DLGAP2: variants seen among roughly 807,000 people sequenced by gnomAD.
DLGAP2 encodes disks large-associated protein 2.
A neutral mutation model predicts 100.3 loss-of-function variants in DLGAP2; 26 were observed. That is an observed-to-expected ratio of 0.26 (90% CI 0.19 to 0.36). DLGAP2 has a LOEUF of 0.36. Among genes scored for constraint, DLGAP2 ranks in the 10% least tolerant of loss-of-function variants. The pLI is 1.00. For missense variants in DLGAP2, 1,858 were observed against 1,453.2 expected, an observed-to-expected ratio of 1.28 and a Z score of -4.53; for synonymous variants, 886 against 630.1, an observed-to-expected ratio of 1.41 and a Z score of -6.08.
intron 8 of DLGAP2, among the ~76,000 whole-genome samples, chr8:1,664,870 A>G (rs1187936379): frequency 2.6e-5 from 4 of 152,238 alleles, no homozygotes; most frequent in African/African-American, 7.2e-5. Flanking sequence ...GCATGTGCAC[A>G]CACACTTAGA....
At chr8:1,333,328 C>T (rs924162085) in intron 3 of DLGAP2, among the ~76,000 whole-genome samples, 2 of 152,122 alleles carry the variant, frequency 1.3e-5, no homozygotes, top group Non-Finnish European at 2.9e-5. Context: ...GGGGTGTGGG[C>T]GTCTCCCTGT....
intron 2 of DLGAP2, among the ~76,000 whole-genome samples, chr8:955,743 A>T (rs1387378123): frequency 6.6e-6 from 1 of 152,302 alleles, no homozygotes; most frequent in East Asian, 1.9e-4. Context: ...TTTAAATAGG[A>T]TTGCATTGTT....
chr8:1,426,648 T>G (rs1223513053), intron 3 of DLGAP2, among the ~76,000 whole-genome samples: 2 of 152,196 alleles, frequency 1.3e-5, no homozygotes, highest in African/African-American at 4.8e-5. Context: ...GAGAAACTCT[T>G]ATTAACCTCA....
intron 3 of DLGAP2, among the ~76,000 whole-genome samples, chr8:1,489,877 T>A (rs1391339021): frequency 6.6e-6 from 1 of 152,146 alleles, no homozygotes; most frequent in Non-Finnish European, 1.5e-5. Flanking sequence ...TAATTGGGCA[T>A]TCCAAGATTA....
At chr8:1,653,636 C>A (rs1798217472) in intron 8 of DLGAP2, among the ~76,000 whole-genome samples, 1 of 152,104 alleles carries the variant, frequency 6.6e-6, no homozygotes, top group Non-Finnish European at 1.5e-5. Flanking sequence ...GATGTTTGGG[C>A]TGTAAATTGC....
At chr8:1,331,854 C>T (rs1034678161) in intron 3 of DLGAP2, among the ~76,000 whole-genome samples, 2 of 152,114 alleles carry the variant, frequency 1.3e-5, no homozygotes, top group Non-Finnish European at 1.5e-5. Flanking sequence ...GGCTGTGGAT[C>T]CCTCCTCTCA....
chr8:1,441,371 G>C (rs971914058), intron 3 of DLGAP2, among the ~76,000 whole-genome samples: 1 of 152,048 alleles, frequency 6.6e-6, no homozygotes, highest in East Asian at 1.9e-4. Flanking sequence ...CTGTTTCTGA[G>C]AGCGATCAAC....
intron 2 of DLGAP2, among the ~76,000 whole-genome samples, chr8:1,123,328 A>T (rs927913871): frequency 1.1e-4 from 17 of 152,170 alleles, no homozygotes; most frequent in African/African-American, 4.1e-4. Context: ...CTCAGTTCCC[A>T]TGAGGCGGGT....
chr8:1,596,729 T>A (rs1276665615), intron 6 of DLGAP2, among the ~76,000 whole-genome samples: 1 of 152,382 alleles, frequency 6.6e-6, no homozygotes, highest in East Asian at 1.9e-4. Flanking sequence ...TGTTAGGTTT[T>A]TTTTTCTTGT....
At chr8:777,221 T>G (rs1369966476) in intron 1 of DLGAP2, among the ~76,000 whole-genome samples, 22 of 151,482 alleles carry the variant, frequency 1.5e-4, no homozygotes, top group African/African-American at 5.3e-4. Flanking sequence ...TCCTCCATCC[T>G]TTTATTTTGA....
intron 2 of DLGAP2, among the ~76,000 whole-genome samples, chr8:1,108,197 C>G (rs2129045186): frequency 6.6e-6 from 1 of 152,292 alleles, no homozygotes; most frequent in Middle Eastern, 3.4e-3. Flanking sequence ...TTGGCTGTCA[C>G]TGTCCTTCCT....
chr8:1,243,800 A>C (rs1798848561), intron 2 of DLGAP2, among the ~76,000 whole-genome samples: 1 of 152,086 alleles, frequency 6.6e-6, no homozygotes, highest in Non-Finnish European at 1.5e-5. Flanking sequence ...GCCACCATTG[A>C]AACCTTCCTC....
chr8:978,388 C>G (rs111963995), intron 2 of DLGAP2, among the ~76,000 whole-genome samples: 1 of 5,026 alleles, frequency 2.0e-4, no homozygotes, highest in African/African-American at 1.2e-3. Flanking sequence ...TGAGGTGCTG[C>G]GTTCCGGTCT....
intron 3 of DLGAP2, among the ~76,000 whole-genome samples, chr8:1,296,731 T>G (rs781083992): frequency 1.3e-5 from 2 of 152,206 alleles, no homozygotes; most frequent in South Asian, 2.1e-4. Flanking sequence ...AAAGGCTCTT[T>G]GGGTTCGCTT....
At chr8:1,453,779 C>T (rs1054896073) in intron 3 of DLGAP2, among the ~76,000 whole-genome samples, 1 of 152,184 alleles carries the variant, frequency 6.6e-6, no homozygotes, top group African/African-American at 2.4e-5. Context: ...GCAGGAGTTT[C>T]AACATACTCC....
chr8:1,455,247 T>G (rs967912787), intron 3 of DLGAP2, among the ~76,000 whole-genome samples: 67 of 152,340 alleles, frequency 4.4e-4, no homozygotes, highest in Non-Finnish European at 4.7e-4. Context: ...CAGGTGCAGG[T>G]GCAGGTGGGT....
chr8:781,418 A>AT (rs150256232), intron 1 of DLGAP2, among the ~76,000 whole-genome samples: 4,224 of 150,102 alleles, frequency 0.028, 188 homozygotes, highest in African/African-American at 0.098. Context: ...GACCTCAGGG[A>AT]TTTTTTTTTT....
chr8:1,026,142 G>A (rs973493086), intron 2 of DLGAP2, among the ~76,000 whole-genome samples: 7 of 152,178 alleles, frequency 4.6e-5, no homozygotes, highest in African/African-American at 1.7e-4. Context: ...GCTGCGAGTG[G>A]CGTTGGTGCC....
chr8:1,217,892 G>C (rs1287175680), intron 2 of DLGAP2, among the ~76,000 whole-genome samples: 1 of 152,112 alleles, frequency 6.6e-6, no homozygotes, highest in African/African-American at 2.4e-5. Flanking sequence ...CTTGTTGCTT[G>C]CATGTATGTC....
Sources: gnomAD v4.1 joint callset for allele counts (sites outside exome capture counted in the v4.1 genomes callset) on GRCh38, gnomAD v4.1.1 for gene constraint, MANE v1.5 for transcripts, NCBI Gene and HGNC (gene_info 2026-07-23, HGNC 2026-07-21) for gene names.